The following MRC2 variants were observed in gnomAD, a reference collection of about 807,000 sequenced individuals.
The protein encoded by MRC2 is C-type mannose receptor 2.
In MRC2, 84 loss-of-function variants were observed where a neutral mutation model predicts 206.2. The observed-to-expected ratio is 0.41, with a 90% CI of 0.34 to 0.49. The LOEUF (loss-of-function observed/expected upper bound fraction) is 0.49. MRC2 is among the 20% of genes least tolerant of loss of function. The pLI is 0.31. For missense variants in MRC2, 1,676 were observed against 2,001.5 expected, an observed-to-expected ratio of 0.84 and a Z score of 3.10; for synonymous variants, 798 against 800.0, an observed-to-expected ratio of 1.00 and a Z score of 0.04.
Position 62,688,418 on chromosome 17 carries a change from T to C in MRC2, c.3061+15T>C. Reference sequence around the variant, plus strand: ...CTTAGAGCAAGGTAGGGCCAGCCTATGGGGAGCCCCCAGTATCCTCTGACA... The same window carrying C: ...CTTAGAGCAAGGTAGGGCCAGCCTACGGGGAGCCCCCAGTATCCTCTGACA... On this transcript the variant is annotated intron_variant, in intron 21 of 29. Coordinates refer to ENST00000303375, the MANE Select transcript of MRC2 (RefSeq NM_006039.5). 6.2e-7 allele frequency: 1 copy of C among 1,614,190 alleles called. No homozygotes were observed. The highest frequency in any genetic ancestry group is 1.1e-5 in the South Asian group (1 of 91,088).
intron 6 of MRC2, among the ~76,000 whole-genome samples, chr17:62,669,125 C>CACACAA (rs368727897): frequency 6.9e-6 from 1 of 145,004 alleles, no homozygotes; most frequent in Non-Finnish European, 1.5e-5. Flanking sequence ...CACACACACA[C>CACACAA]AACACTAACT....
At chr17:62,658,418 C>A (rs573341405) in intron 1 of MRC2, among the ~76,000 whole-genome samples, 1 of 152,292 alleles carries the variant, frequency 6.6e-6, no homozygotes, top group African/African-American at 2.4e-5. Flanking sequence ...AGCTGTGCCT[C>A]ATGTGACAAA....
At chr17:62,658,876 G>C (rs1309297610) in intron 1 of MRC2, among the ~76,000 whole-genome samples, 1 of 152,222 alleles carries the variant, frequency 6.6e-6, no homozygotes, top group Non-Finnish European at 1.5e-5. Context: ...AGGAAGCTTG[G>C]GCAGGCATGG....
rs1259112979 is a variant in MRC2 at position 62,666,707 on chromosome 17, G to A, written c.860-50G>A. The A allele has an allele frequency of 6.3e-7, 1 of 1,595,006 alleles. No homozygotes were observed. Among genetic ancestry groups the A allele is most frequent in the Middle Eastern group, 1.7e-4 (1 of 5,984 alleles). On this transcript the variant is annotated intron_variant, in intron 4 of 29. Coordinates refer to ENST00000303375, the MANE Select transcript of MRC2 (RefSeq NM_006039.5). This position sits in a 1 kb window ranked among gnomAD's most constrained non-coding sequence, Gnocchi z 5.0. ...TTGGGGAGAGGGCGATGGGGAGCGGGGGAGGCTGGGGCTGGGGATCCCCTG... is the reference window on the plus strand; with the variant it reads ...TTGGGGAGAGGGCGATGGGGAGCGGAGGAGGCTGGGGCTGGGGATCCCCTG...
In MRC2 at chr17:62,680,215, A is replaced by T; in HGVS notation, c.2344A>T (p.Ile782Phe). 6.2e-7 allele frequency: 1 copy of T among 1,614,104 alleles called. No individual in the cohort carries two copies. Among genetic ancestry groups the T allele is most frequent in the Non-Finnish European group, 8.5e-7 (1 of 1,179,996 alleles). ...FDRSRHDDDD[I>F]RGCAVLDLAS... ...CCGGAGCCGGCACGACGACGACGAC[A>T]TCCGAGGCTGTGCGGTGCTGGACCT... The change falls in exon 15 of 30, where the codon ATC becomes TTC. Residue 782 changes from isoleucine to phenylalanine, a missense_variant. Transcript: ENST00000303375. The surrounding 1 kb of genome is among the most constrained non-coding windows in gnomAD (Gnocchi z 4.8).
At position 62,692,559 on chromosome 17, in the gene MRC2, C is replaced by A; in HGVS notation, c.*108C>A. ...GTCCAGTTGGCCTATGGAAGGGTGC[C>A]CTTGGGAGTCGCTGTTGGGAGCCGG... On this transcript the variant is annotated 3_prime_UTR_variant, in exon 30 of 30. Coordinates refer to ENST00000303375, the MANE Select transcript of MRC2 (RefSeq NM_006039.5). This position sits in a 1 kb window ranked among gnomAD's most constrained non-coding sequence, Gnocchi z 4.2. The A allele has an allele frequency of 1.7e-6, 2 of 1,150,972 alleles. No homozygotes were observed. The highest frequency in any genetic ancestry group is 3.0e-5 in the South Asian group (2 of 66,492). The allele number at this position is 1,150,972 out of a possible 1,614,324, so 71.3% of individuals were successfully genotyped here. A position where few individuals can be genotyped will look rare whatever the true frequency, so the allele number is the denominator to read the frequency against.
intron 20 of MRC2, 104 bp from the exon 21 acceptor site, chr17:62,688,185 C>A (rs2089055698): frequency 2.1e-6 from 2 of 962,012 alleles, no homozygotes; most frequent in Non-Finnish European, 3.2e-6. Flanking sequence ...TCCCGGCCCT[C>A]AAAGGCCCCC....
intron 1 of MRC2, among the ~76,000 whole-genome samples, chr17:62,641,811 AAAAAT>A (rs1209869688): frequency 6.6e-6 from 1 of 152,156 alleles, no homozygotes; most frequent in Non-Finnish European, 1.5e-5. Flanking sequence ...GAAAAACTGA[AAAAAT>A]AATACAGTGG....
At chr17:62,674,867 G>GC (rs953198971) in intron 9 of MRC2, among the ~76,000 whole-genome samples, 30 of 151,670 alleles carry the variant, frequency 2.0e-4, no homozygotes, top group South Asian at 6.3e-4. Context: ...TTGGCCCTTG[G>GC]CCCCCCCCAG....
At position 62,672,258 on chromosome 17, in the gene MRC2, C is replaced by G. The variant is rs111536285; in HGVS notation, c.1461+106C>G. The stretch of plus-strand genomic sequence containing the variant: ...AGTTACTATCAGAACCTGCCTGGAA[C>G]CTCTTACCTCTCAGCAGTCCCCCTC... On this transcript the variant is annotated intron_variant, in intron 8 of 29. Coordinates refer to ENST00000303375, the MANE Select transcript of MRC2 (RefSeq NM_006039.5). This position sits in a 1 kb window ranked among gnomAD's most constrained non-coding sequence, Gnocchi z 4.5. 7.5e-7 allele frequency: 1 copy of G among 1,338,430 alleles called. No homozygotes were observed. Among genetic ancestry groups the G allele is most frequent in the African/African-American group, 1.4e-5 (1 of 69,238 alleles). The allele number at this position is 1,338,430 out of a possible 1,614,324, so 82.9% of individuals were successfully genotyped here. A position where few individuals can be genotyped will look rare whatever the true frequency, so the allele number is the denominator to read the frequency against.
chr17:62,688,958 C>G lies in MRC2; in HGVS notation c.3332C>G (p.Thr1111Arg), dbSNP rs200856511. 6.2e-7 allele frequency: 1 copy of G among 1,612,632 alleles called. No homozygotes were observed. The change falls in exon 23 of 30, where the codon ACG becomes AGG. Residue 1111 changes from threonine to arginine, a missense_variant and splice_region_variant. Physicochemically the swap from Thr to Arg is moderately conservative, Grantham distance 71. Around this residue, in one of 3 missense-constraint regions of MRC2, gnomAD observed 1,354 missense variants for 1,636.6 expected, o/e 0.83. Transcript: ENST00000303375. ...CATGGCTTCATCTGCCAGAAGGGCA[C>G]GGGTATGTGTCACCAGTCACCTGGG... Reference protein sequence around the residue: ...ETHGFICQKGTDPSLSPSPAA... With the variant: ...ETHGFICQKGRDPSLSPSPAA...
chr17:62,678,974 G>C (rs911609142), intron 13 of MRC2, among the ~76,000 whole-genome samples: 4 of 151,674 alleles, frequency 2.6e-5, no homozygotes, highest in Non-Finnish European at 4.4e-5. Flanking sequence ...TCTCCCACAT[G>C]CTGGTCCTGG....
chr17:62,665,985 G>A, intron 2 of MRC2, 109 bp from the exon 3 acceptor site: 1 of 1,196,270 alleles, frequency 8.4e-7, no homozygotes, highest in South Asian at 1.6e-5. Context: ...GCTGATCCCT[G>A]TGAACACCCA....
chr17:62,689,378 A>T (rs1598998954), intron 23 of MRC2, 144 bp from the exon 24 acceptor site: 2 of 615,192 alleles, frequency 3.3e-6, no homozygotes, highest in Non-Finnish European at 5.8e-6. Flanking sequence ...CAGGGCTGAC[A>T]CCTACCAAGC....
chr17:62,672,186 A>G lies in MRC2; in HGVS notation c.1461+34A>G. On this transcript the variant is annotated intron_variant, in intron 8 of 29. Transcript: ENST00000303375. The surrounding 1 kb of genome is among the most constrained non-coding windows in gnomAD (Gnocchi z 4.5). ...TCCCTCTCCCTATCACAGGGCCACA[A>G]AATACACCCCCAACCTCCAGGTGCC... is the stretch of plus-strand genomic sequence containing the variant. The G allele has an allele frequency of 2.5e-6, 4 of 1,612,630 alleles. No individual in the cohort carries two copies. Among genetic ancestry groups the G allele is most frequent in the Non-Finnish European group, 3.4e-6 (4 of 1,179,182 alleles).
rs368111612 is a variant in MRC2 at position 62,677,293 on chromosome 17, C to T, written c.1859C>T (p.Ala620Val). 3.1e-5 allele frequency: 49 copies of T among 1,602,818 alleles called. No homozygotes were observed. The highest frequency in any genetic ancestry group is 3.8e-5 in the Non-Finnish European group (45 of 1,175,584). Reference sequence around the variant, plus strand: ...GGGTACAGCCGTGGGGGCTGCGTGGCGCTGGCCACTGGCAGCGCCATGGGG... The same window carrying T: ...GGGTACAGCCGTGGGGGCTGCGTGGTGCTGGCCACTGGCAGCGCCATGGGG... ...QPGYSRGGCV[A>V]LATGSAMGLW... The change falls in exon 12 of 30, where the codon GCG becomes GTG. Residue 620 changes from alanine (A) to valine (V), a missense_variant. Coordinates refer to ENST00000303375, the MANE Select transcript of MRC2 (RefSeq NM_006039.5).
chr17:62,635,767 T>C (rs2076509135), intron 1 of MRC2, among the ~76,000 whole-genome samples: 1 of 151,666 alleles, frequency 6.6e-6, no homozygotes, highest in Non-Finnish European at 1.5e-5. Context: ...TGGGGCAACA[T>C]AACAAGACCC....
chr17:62,691,344 G>A lies in MRC2; in HGVS notation c.4192+216G>A, dbSNP rs906340708. 1.3e-5 allele frequency among the ~76,000 whole-genome samples: 2 copies of A among 152,238 alleles called. 1 individual carries two copies. Among genetic ancestry groups the A allele is most frequent in the Admixed American group, 1.3e-4 (2 of 15,280 alleles). On this transcript the variant is annotated intron_variant, in intron 28 of 29. Coordinates refer to ENST00000303375, the MANE Select transcript of MRC2 (RefSeq NM_006039.5). The stretch of plus-strand genomic sequence containing the variant: ...CCAAACTAGACCACAAGGCTCGGGG[G>A]TCAGCAACCCCCTGTCACTTTGTAG...
rs1457685121 is a variant in MRC2 at position 62,679,787 on chromosome 17, G to C, written c.2196-13G>C. The C allele has an allele frequency of 8.1e-6, 13 of 1,612,932 alleles. No homozygotes were observed. Among genetic ancestry groups the C allele is most frequent in the Non-Finnish European group, 1.1e-5 (13 of 1,179,530 alleles). ...CCCATCTCTTCCGTCCCCACTCCTG[G>C]GTTGTGCTGAAGTGAATCAGAACCC... On this transcript the variant is annotated splice_polypyrimidine_tract_variant and intron_variant, in intron 13 of 29. Coordinates refer to ENST00000303375, the MANE Select transcript of MRC2 (RefSeq NM_006039.5).
Sources: gnomAD v4.1 joint callset for allele counts (sites outside exome capture counted in the v4.1 genomes callset) on GRCh38, gnomAD v4.1.1 for gene constraint, gnomAD v4.1.1 regional missense constraint, Gnocchi (gnomAD v3.1) non-coding constraint, MANE v1.5 for transcripts, NCBI Gene and HGNC (gene_info 2026-07-23, HGNC 2026-07-21) for gene names.